RANBP2: variants seen among roughly 807,000 people sequenced by gnomAD.
RANBP2 encodes the protein E3 SUMO-protein ligase RanBP2.
RANBP2 carries 57 observed loss-of-function variants against 303.6 expected under a neutral mutation model. That is an observed-to-expected ratio of 0.19 (90% CI 0.15 to 0.23). The LOEUF (loss-of-function observed/expected upper bound fraction) is 0.23. RANBP2 is among the 10% of genes least tolerant of loss of function. The probability of loss-of-function intolerance (pLI) is 1.00; values close to 1 mark genes in which losing one functional copy is unlikely to be tolerated. For synonymous variants in RANBP2, 1,167 were observed against 1,301.5 expected, an observed-to-expected ratio of 0.90 and a Z score of 2.23; for missense variants, 3,138 against 3,780.8, an observed-to-expected ratio of 0.83 and a Z score of 4.46.
At chr2:109,614,612 C>T in the RANBP2 span, 10 of 1,459,060 alleles carry the variant, frequency 6.9e-6, no homozygotes, top group South Asian at 1.3e-5. Context: ...TCAGGGGCGC[C>T]CTAGGCGGCG....
At chr2:108,922,775 C>T in the RANBP2 span, among the ~76,000 whole-genome samples, 83 of 151,994 alleles carry the variant, frequency 5.5e-4, no homozygotes, top group Admixed American at 9.2e-4. Context: ...GACCACACAT[C>T]TAAGAGTCTA....
chr2:109,498,521 T>G, the RANBP2 span, among the ~76,000 whole-genome samples: 1 of 152,172 alleles, frequency 6.6e-6, no homozygotes, highest in Non-Finnish European at 1.5e-5. Flanking sequence ...CCAGGCTCTG[T>G]GAACACGTGG....
At chr2:109,114,418 C>G in the RANBP2 span, among the ~76,000 whole-genome samples, 25 of 151,954 alleles carry the variant, frequency 1.6e-4, no homozygotes, top group Admixed American at 2.6e-4. Flanking sequence ...GTTTATTTGC[C>G]TAGAGGTGTT....
At chr2:108,890,665 ATCT>A in the RANBP2 span, among the ~76,000 whole-genome samples, 1 of 152,358 alleles carries the variant, frequency 6.6e-6, no homozygotes, top group South Asian at 2.1e-4. Flanking sequence ...TGCAGAATGT[ATCT>A]TCCTGGAGAT....
chr2:108,946,926 C>T, the RANBP2 span, among the ~76,000 whole-genome samples: 2 of 152,092 alleles, frequency 1.3e-5, no homozygotes, highest in Admixed American at 1.3e-4. Flanking sequence ...ACCAATCATG[C>T]CTTCCCAACA....
the RANBP2 span, among the ~76,000 whole-genome samples, chr2:109,295,625 T>C: frequency 2.6e-5 from 4 of 152,194 alleles, no homozygotes; most frequent in Non-Finnish European, 5.9e-5. Flanking sequence ...TGCCCAGGCA[T>C]GCTGCAGACT....
At chr2:109,485,843 GAGCCAGGGCTGC>G in the RANBP2 span, among the ~76,000 whole-genome samples, 27 of 152,376 alleles carry the variant, frequency 1.8e-4, no homozygotes, top group East Asian at 5.2e-3. Context: ...TAGATCTTGA[GAGCCAGGGCTGC>G]AGCACAGCCT....
chr2:109,732,649 A>T, the RANBP2 span: 9 of 511,050 alleles, frequency 1.8e-5, no homozygotes, highest in African/African-American at 1.7e-4. Context: ...GCTAATTTTT[A>T]TTAGAGAACC....
chr2:109,391,921 G>C, the RANBP2 span, among the ~76,000 whole-genome samples: 3 of 151,938 alleles, frequency 2.0e-5, no homozygotes, highest in South Asian at 6.2e-4. Context: ...AGGCTCAAGC[G>C]ATCCTCCCAC....
intron 21 of RANBP2, 46 bp from the exon 22 acceptor site, chr2:108,772,442 AC>A (rs1282347726): frequency 2.6e-6 from 4 of 1,532,700 alleles, no homozygotes; most frequent in Middle Eastern, 1.7e-4. Context: ...AGCAAGGAAA[AC>A]CCCCCAAAAT....
chr2:109,417,979 A>G, the RANBP2 span, among the ~76,000 whole-genome samples: 161 of 152,070 alleles, frequency 1.1e-3, 2 homozygotes, highest in African/African-American at 3.8e-3. Flanking sequence ...CTGGCCACCT[A>G]CCTGGGGCAA....
the RANBP2 span, among the ~76,000 whole-genome samples, chr2:109,345,666 A>G: frequency 6.6e-6 from 1 of 152,224 alleles, no homozygotes. Context: ...CATGTAGCCA[A>G]TAGTGAAAAT....
chr2:109,167,071 T>C, the RANBP2 span, among the ~76,000 whole-genome samples: 1 of 152,340 alleles, frequency 6.6e-6, no homozygotes, highest in African/African-American at 2.4e-5. Context: ...GTCAGGCCAG[T>C]GGGAACCCAG....
At chr2:109,728,287 G>A in the RANBP2 span, among the ~76,000 whole-genome samples, 1 of 152,132 alleles carries the variant, frequency 6.6e-6, no homozygotes, top group Non-Finnish European at 1.5e-5. Flanking sequence ...TGGCAGAGAT[G>A]AGCTGTCCTC....
chr2:108,794,452 T>G, the RANBP2 span: 1 of 1,177,960 alleles, frequency 8.5e-7, no homozygotes, highest in Non-Finnish European at 1.2e-6. Flanking sequence ...ATTTTGTACT[T>G]AAAGCATCTC....
the RANBP2 span, among the ~76,000 whole-genome samples, chr2:108,827,985 A>G: frequency 6.6e-6 from 1 of 152,174 alleles, no homozygotes; most frequent in East Asian, 1.9e-4. Context: ...ACACAAATTG[A>G]TGGAACAGAA....
At chr2:109,329,472 C>T in the RANBP2 span, among the ~76,000 whole-genome samples, 9 of 152,206 alleles carry the variant, frequency 5.9e-5, no homozygotes, top group African/African-American at 1.9e-4. Context: ...GAGGCCATGG[C>T]TGGAGCGGTG....
At chr2:109,742,635 A>T in the RANBP2 span, among the ~76,000 whole-genome samples, 11 of 146,420 alleles carry the variant, frequency 7.5e-5, 3 homozygotes, top group African/African-American at 2.9e-4. Context: ...CCTAATAAAA[A>T]TCTCAGCAAG....
chr2:109,560,022 G>A, the RANBP2 span, among the ~76,000 whole-genome samples: 4 of 146,962 alleles, frequency 2.7e-5, no homozygotes, highest in African/African-American at 7.6e-5. Context: ...CTAGGTTCAC[G>A]CCATTCTCCT....
Sources: gnomAD v4.1 joint callset for allele counts (sites outside exome capture counted in the v4.1 genomes callset) on GRCh38, gnomAD v4.1.1 for gene constraint, MANE v1.5 for transcripts, NCBI Gene and HGNC (gene_info 2026-07-23, HGNC 2026-07-21) for gene names.